ADGRV1: variants seen among roughly 807,000 people sequenced by gnomAD.
ADGRV1 encodes G-protein coupled receptor 98.
A neutral mutation model predicts 596.2 loss-of-function variants in ADGRV1; 359 were observed. The ratio of observed to expected loss-of-function variants is 0.60; its 90% confidence interval spans 0.55 to 0.66. ADGRV1 has a LOEUF of 0.66. ADGRV1 is among the 30% of genes least tolerant of loss of function. ADGRV1 has a pLI of 0.00. For synonymous variants in ADGRV1, 2,681 were observed against 2,679.2 expected (o/e 1.00, Z -0.02); for missense variants, 7,274 against 7,575.6 (o/e 0.96, Z 1.48).
At chr5:91,151,601 A>T (rs936371074) in intron 88 of ADGRV1, among the ~76,000 whole-genome samples, 1 of 152,218 alleles carries the variant, frequency 6.6e-6, no homozygotes, top group African/African-American at 2.4e-5. Flanking sequence ...TCAGAAATGA[A>T]TCTTAAAATT....
At chr5:91,010,374 A>G (rs552531462) in intron 85 of ADGRV1, among the ~76,000 whole-genome samples, 72 of 152,240 alleles carry the variant, frequency 4.7e-4, no homozygotes, top group Admixed American at 1.2e-3. Flanking sequence ...ATGTTAAAAC[A>G]CCAGGCTTGT....
chr5:90,886,681 C>G (rs1581421202), intron 83 of ADGRV1, among the ~76,000 whole-genome samples: 1 of 152,272 alleles, frequency 6.6e-6, no homozygotes, highest in South Asian at 2.1e-4. Flanking sequence ...GGATGTCTCA[C>G]AGGTATCTCA....
At chr5:90,877,896 A>G (rs1280379833) in intron 83 of ADGRV1, among the ~76,000 whole-genome samples, 1 of 152,182 alleles carries the variant, frequency 6.6e-6, no homozygotes, top group Admixed American at 6.5e-5. Flanking sequence ...AGAAAAAAAA[A>G]TGAAACTATT....
intron 1 of ADGRV1, among the ~76,000 whole-genome samples, chr5:90,576,442 C>T (rs1052337291): frequency 1.3e-5 from 2 of 152,160 alleles, no homozygotes; most frequent in East Asian, 3.9e-4. Context: ...AGGACATGAA[C>T]TCATCCTTTT....
At chr5:90,629,842 A>G (rs1441777583) in intron 9 of ADGRV1, 2 of 205,296 alleles carry the variant, frequency 9.7e-6, no homozygotes, top group African/African-American at 4.6e-5. Flanking sequence ...AGTAACTTAC[A>G]AACTATTACA....
chr5:91,033,879 A>G (rs1228673927), intron 85 of ADGRV1, among the ~76,000 whole-genome samples: 1 of 152,198 alleles, frequency 6.6e-6, no homozygotes, highest in African/African-American at 2.4e-5. Flanking sequence ...CTTGAAGTTC[A>G]TCTTTCACAT....
At chr5:90,876,379 AG>A (rs1199720467) in intron 83 of ADGRV1, among the ~76,000 whole-genome samples, 2 of 152,200 alleles carry the variant, frequency 1.3e-5, no homozygotes, top group Non-Finnish European at 2.9e-5. Context: ...GGGCAATATA[AG>A]CATTTACAAT....
chr5:90,976,923 G>A (rs1231852702), intron 84 of ADGRV1, among the ~76,000 whole-genome samples: 2 of 152,160 alleles, frequency 1.3e-5, no homozygotes, highest in Non-Finnish European at 2.9e-5. Flanking sequence ...TAAAATGGTA[G>A]AATAAGGTTA....
At chr5:90,639,613 A>G (rs575036063) in intron 11 of ADGRV1, among the ~76,000 whole-genome samples, 1 of 152,276 alleles carries the variant, frequency 6.6e-6, no homozygotes, top group South Asian at 2.1e-4. Flanking sequence ...TTCAGAAATT[A>G]TTGGTTCTTT....
chr5:90,783,883 A>C lies in ADGRV1; in HGVS notation c.13479A>C (p.Gly4493=), dbSNP rs1424524172. The C allele has an allele frequency of 9.9e-6, 16 of 1,611,800 alleles. No homozygotes were observed. Among genetic ancestry groups the C allele is most frequent in the Non-Finnish European group, 1.3e-5 (15 of 1,179,100 alleles). ...AAATTCTACTCACTGGAGCTACTGG[A>C]GGAGCGGTCCTTGGGCGCCACCTAG... ...PIEILLTGAT[G]GAVLGRHLVS... The change falls in exon 67 of 90, where the codon GGA becomes GGC. Residue 4493 remains glycine (G), a synonymous_variant. Transcript: ENST00000405460.
chr5:90,921,614 C>T (rs981132759), intron 83 of ADGRV1, among the ~76,000 whole-genome samples: 1 of 152,170 alleles, frequency 6.6e-6, no homozygotes, highest in African/African-American at 2.4e-5. Flanking sequence ...TCAACCCTGC[C>T]ATCTGTGCTG....
chr5:90,662,590 T>A (rs908192572), intron 21 of ADGRV1, among the ~76,000 whole-genome samples: 2 of 151,470 alleles, frequency 1.3e-5, no homozygotes, highest in African/African-American at 4.8e-5. Flanking sequence ...TCCTGGTAGT[T>A]TTTTTTTTCT....
At chr5:90,957,326 A>T (rs1287952023) in intron 83 of ADGRV1, among the ~76,000 whole-genome samples, 1 of 152,014 alleles carries the variant, frequency 6.6e-6, no homozygotes, top group African/African-American at 2.4e-5. Context: ...ACCATTCATT[A>T]AATGGTAACT....
chr5:91,102,188 A>C (rs989636796), intron 86 of ADGRV1, 31 bp from the exon 87 acceptor site: 1 of 1,584,030 alleles, frequency 6.3e-7, no homozygotes, highest in African/African-American at 1.3e-5. Flanking sequence ...AGTATTCTGA[A>C]GCTCAAAAAT....
chr5:90,855,844 G>T lies in ADGRV1; in HGVS notation c.17698G>T (p.Asp5900Tyr). The T allele has an allele frequency of 3.7e-6, 6 of 1,613,170 alleles. No individual in the cohort carries two copies. Among genetic ancestry groups the T allele is most frequent in the Non-Finnish European group, 5.1e-6 (6 of 1,179,278 alleles). ...TGTGTATGCTGTCTATGCTCGGACT[G>T]ACAACTTGTCTTCATACAATGAAGC... ...MSVYAVYART[D>Y]NLSSYNEAFF... The change falls in exon 82 of 90, where the codon GAC (aspartate) becomes TAC (tyrosine). Residue 5900 changes from aspartate to tyrosine, a missense_variant. Physicochemically the swap from Asp to Tyr is radical, Grantham distance 160. Transcript: ENST00000405460.
At chr5:90,910,544 A>C (rs897891930) in intron 83 of ADGRV1, among the ~76,000 whole-genome samples, 1 of 145,108 alleles carries the variant, frequency 6.9e-6, no homozygotes, top group African/African-American at 2.6e-5. Context: ...AGTTTTATAT[A>C]TATATATTAT....
At chr5:90,799,277 C>A (rs551239129) in intron 70 of ADGRV1, among the ~76,000 whole-genome samples, 1 of 152,220 alleles carries the variant, frequency 6.6e-6, no homozygotes, top group Non-Finnish European at 1.5e-5. Flanking sequence ...TTCTTATACA[C>A]CAATAACAAA....
chr5:90,780,123 G>A (rs147099429), intron 64 of ADGRV1: 2 of 152,272 alleles, frequency 1.3e-5, no homozygotes, highest in South Asian at 2.1e-4. Flanking sequence ...GTCGTTTAGT[G>A]TGAGATCATA....
chr5:91,080,439 T>G (rs1358867191), intron 86 of ADGRV1, among the ~76,000 whole-genome samples: 3 of 152,104 alleles, frequency 2.0e-5, no homozygotes, highest in Admixed American at 6.6e-5. Flanking sequence ...GAGCTGCCAT[T>G]GTTGTTCACA....
Sources: gnomAD v4.1 joint callset for allele counts (sites outside exome capture counted in the v4.1 genomes callset) on GRCh38, gnomAD v4.1.1 for gene constraint, MANE v1.5 for transcripts, NCBI Gene and HGNC (gene_info 2026-07-23, HGNC 2026-07-21) for gene names.